The following SESN3 variants were observed in gnomAD, a reference collection of about 807,000 sequenced individuals.
SESN3 encodes sestrin 3, also known as sestrin-3.
In SESN3, 21 loss-of-function variants were observed where a neutral mutation model predicts 55.3. The observed-to-expected ratio is 0.38, with a 90% CI of 0.27 to 0.55. The LOEUF (loss-of-function observed/expected upper bound fraction) is 0.55, where lower values mean the gene tolerates loss of function less well. SESN3 is among the 20% of genes least tolerant of loss of function. SESN3 has a pLI of 0.76. For synonymous variants in SESN3, 181 were observed against 203.1 expected (o/e 0.89, Z 0.93); for missense variants, 408 against 604.3 (o/e 0.68, Z 3.41).
intron 1 of SESN3, among the ~76,000 whole-genome samples, chr11:95,198,189 G>C (rs1860397325): frequency 1.3e-5 from 2 of 152,062 alleles, no homozygotes; most frequent in South Asian, 4.1e-4. Context: ...CTCATGCCAA[G>C]AAACCTTTCC....
At chr11:95,173,748 C>G (rs1019949256) in intron 9 of SESN3, among the ~76,000 whole-genome samples, 4 of 150,950 alleles carry the variant, frequency 2.6e-5, no homozygotes, top group African/African-American at 9.8e-5. Flanking sequence ...AAAAATTTTT[C>G]CTAGTATTTA....
At chr11:95,231,489 G>A (rs191693373), upstream of SESN3, 100 of 210,720 alleles carry the variant, frequency 4.7e-4, 2 homozygotes, top group South Asian at 1.8e-3. Context: ...AAGAGGACGA[G>A]GGTGTGTCAT....
chr11:95,166,183 C>T lies in SESN3; in HGVS notation c.*7072G>A, dbSNP rs1030284068. On this transcript the variant is annotated 3_prime_UTR_variant, in exon 10 of 10. Transcript: ENST00000536441. ...ATAAAAGCTTATTCTAATTTAAAAC[C>T]TTATAGAGTAAGAGACTGATATATA... The T allele has an allele frequency of 2.0e-5, 3 of 151,712 alleles. No individual in the cohort carries two copies. The highest frequency in any genetic ancestry group is 2.9e-5 in the Non-Finnish European group (2 of 67,966). The allele number at this position is 151,712 out of a possible 1,614,324, so 9.4% of individuals were successfully genotyped here. A position where few individuals can be genotyped will look rare whatever the true frequency, so the allele number is the denominator to read the frequency against.
At chr11:95,227,812 A>G (rs1440632081) in intron 1 of SESN3, among the ~76,000 whole-genome samples, 2 of 152,180 alleles carry the variant, frequency 1.3e-5, no homozygotes, top group African/African-American at 4.8e-5. Flanking sequence ...TGACTTTTCA[A>G]ATTAAAGGAT....
intron 1 of SESN3, among the ~76,000 whole-genome samples, chr11:95,201,593 G>C (rs906227496): frequency 4.0e-5 from 6 of 151,852 alleles, no homozygotes; most frequent in Admixed American, 2.6e-4. Context: ...AAAAACAAAA[G>C]GACCACTTCA....
upstream of SESN3, chr11:95,231,209 G>A (rs1419589311): frequency 1.3e-5 from 4 of 299,324 alleles, no homozygotes; most frequent in African/African-American, 6.9e-5. Flanking sequence ...GTGCGGCCCC[G>A]CCTCCGCCGC....
intron 1 of SESN3, among the ~76,000 whole-genome samples, chr11:95,227,579 T>C (rs1218520336): frequency 6.6e-6 from 1 of 152,190 alleles, no homozygotes; most frequent in East Asian, 1.9e-4. Flanking sequence ...TATATGATCA[T>C]ATAACAAAGT....
Position 95,215,990 on chromosome 11 carries a change from T to C in SESN3, c.78+14793A>G, listed in dbSNP as rs904044165. On this transcript the variant is annotated intron_variant, in intron 1 of 9. Transcript: ENST00000536441. ...GTGGGCGCCTGTAGTCCCAGCTACT[T>C]GGGAGGCTGAGGCAGGAGAATGGCG... 7.6e-4 allele frequency among the ~76,000 whole-genome samples: 113 copies of C among 149,602 alleles called. 2 individuals carry two copies. Among genetic ancestry groups the C allele is most frequent in the Non-Finnish European group, 1.5e-4 (10 of 67,636 alleles).
Position 95,230,542 on chromosome 11 carries a change from A to T in SESN3, c.78+241T>A. The T allele has an allele frequency of 1.9e-6, 1 of 513,680 alleles. No individual in the cohort carries two copies. Among genetic ancestry groups the T allele is most frequent in the Non-Finnish European group, 3.4e-6 (1 of 291,186 alleles). The allele number at this position is 513,680 out of a possible 1,614,324, so 31.8% of individuals were successfully genotyped here. On this transcript the variant is annotated intron_variant, in intron 1 of 9. Transcript: ENST00000536441. This position sits in a 1 kb window ranked among gnomAD's most constrained non-coding sequence, Gnocchi z 4.6. Reference sequence around the variant, plus strand: ...GAGAGCAAAGGCACCAAATAAAAGGAACAAGGGAAGAAAAAATATCCCAAC... The same window carrying T: ...GAGAGCAAAGGCACCAAATAAAAGGTACAAGGGAAGAAAAAATATCCCAAC...
rs1369715264 is a variant in SESN3, at chr11:95,172,185, T to C, written c.*1070A>G. Reference sequence around the variant, plus strand: ...ACTCTGTTTTTGTAGTTCAATCACATTAATGCATAGAAACACAATTTTTAC... The same window carrying C: ...ACTCTGTTTTTGTAGTTCAATCACACTAATGCATAGAAACACAATTTTTAC... On this transcript the variant is annotated 3_prime_UTR_variant, in exon 10 of 10. Coordinates refer to ENST00000536441, the MANE Select transcript of SESN3 (RefSeq NM_144665.4). 1.3e-5 allele frequency: 2 copies of C among 152,148 alleles called. No individual in the cohort carries two copies. The highest frequency in any genetic ancestry group is 2.9e-5 in the Non-Finnish European group (2 of 67,984). 9.4% of individuals were successfully genotyped at this position (152,148 alleles called of 1,614,324 possible).
At position 95,228,805 on chromosome 11, in the gene SESN3, G is replaced by T. The variant is rs1418088148; in HGVS notation, c.78+1978C>A. 2.0e-5 allele frequency among the ~76,000 whole-genome samples: 3 copies of T among 152,268 alleles called. No individual in the cohort carries two copies. In the East Asian group the frequency reaches 5.8e-4, roughly 29 times the overall value. ...GATGTGCTCAGCAATTATAAAATACGAAAATGTGAATACTCTTTTTCCACG... is the reference window on the plus strand; with the variant it reads ...GATGTGCTCAGCAATTATAAAATACTAAAATGTGAATACTCTTTTTCCACG... On this transcript the variant is annotated intron_variant, in intron 1 of 9. Transcript: ENST00000536441.
chr11:95,193,511 G>A lies in SESN3; in HGVS notation c.90C>T (p.Ile30=). The A allele has an allele frequency of 6.3e-7, 1 of 1,587,702 alleles. No homozygotes were observed. ...CRKVLRKDKR[I]RVSQPLTRGP... is the part of the protein sequence containing the mutation. The stretch of plus-strand genomic sequence containing the variant: ...CTCTTGTCAAGGGTTGAGACACTCT[G>A]ATTCTTTTATCCTATTTTTAAAAGA... The change falls in exon 2 of 10, where the codon ATC becomes ATT. Residue 30 remains isoleucine, a synonymous_variant. Transcript: ENST00000536441.
chr11:95,228,196 A>G (rs571860423), intron 1 of SESN3, among the ~76,000 whole-genome samples: 1 of 152,354 alleles, frequency 6.6e-6, no homozygotes, highest in East Asian at 1.9e-4. Context: ...GTTAAACCAT[A>G]TTATTTCATT....
At chr11:95,229,057 C>T (rs1860999927) in intron 1 of SESN3, among the ~76,000 whole-genome samples, 1 of 152,158 alleles carries the variant, frequency 6.6e-6, no homozygotes, top group South Asian at 2.1e-4. Flanking sequence ...ATTTTTTTAT[C>T]AAAGTCAATA....
chr11:95,167,354 T>C lies in SESN3; in HGVS notation c.*5901A>G, dbSNP rs1210224804. On this transcript the variant is annotated 3_prime_UTR_variant, in exon 10 of 10. Transcript: ENST00000536441. ...TATTTAGACTTACTAATGTTTGATG[T>C]TGTCCTATGAACTGTAAAATTGGGT... 6.6e-6 allele frequency: 1 copy of C among 152,178 alleles called. No individual in the cohort carries two copies. Among genetic ancestry groups the C allele is most frequent in the Non-Finnish European group, 1.5e-5 (1 of 68,020 alleles). 9.4% of individuals were successfully genotyped at this position (152,178 alleles called of 1,614,324 possible). A position where few individuals can be genotyped will look rare whatever the true frequency, so the allele number is the denominator to read the frequency against.
chr11:95,169,111 G>A lies in SESN3; in HGVS notation c.*4144C>T, dbSNP rs1467345884. On this transcript the variant is annotated 3_prime_UTR_variant, in exon 10 of 10. Transcript: ENST00000536441. The stretch of plus-strand genomic sequence containing the variant: ...GCTATTTTTGTTCTAGGTCTCACCT[G>A]GGCAGATTCTAGGTCTGCTAACTAA... 6.6e-6 allele frequency: 1 copy of A among 152,156 alleles called. No individual in the cohort carries two copies. Among genetic ancestry groups the A allele is most frequent in the African/African-American group, 2.4e-5 (1 of 41,430 alleles). The allele number at this position is 152,156 out of a possible 1,614,324, so 9.4% of individuals were successfully genotyped here. A position where few individuals can be genotyped will look rare whatever the true frequency, so the allele number is the denominator to read the frequency against.
At chr11:95,224,740 T>C (rs1028231179) in intron 1 of SESN3, among the ~76,000 whole-genome samples, 1 of 152,210 alleles carries the variant, frequency 6.6e-6, no homozygotes, top group Non-Finnish European at 1.5e-5. Flanking sequence ...ATTTTATCAC[T>C]GGCAGCAAAT....
intron 1 of SESN3, among the ~76,000 whole-genome samples, chr11:95,221,348 T>G (rs1860856072): frequency 2.6e-5 from 4 of 152,142 alleles, no homozygotes. Flanking sequence ...ACAATGATCT[T>G]CCACAAAACC....
chr11:95,189,662 C>T (rs768588591), intron 4 of SESN3, 117 bp downstream of exon 4: 40 of 604,014 alleles, frequency 6.6e-5, no homozygotes, highest in Non-Finnish European at 9.5e-5. Context: ...ACTTTCTAAA[C>T]TCATCTTTTC....
Sources: gnomAD v4.1 joint callset for allele counts (sites outside exome capture counted in the v4.1 genomes callset) on GRCh38, gnomAD v4.1.1 for gene constraint, Gnocchi (gnomAD v3.1) non-coding constraint, MANE v1.5 for transcripts, NCBI Gene and HGNC (gene_info 2026-07-23, HGNC 2026-07-21) for gene names.